C2CD5: variants seen among roughly 807,000 people sequenced by gnomAD.
C2CD5 encodes C2 domain-containing protein 5.
C2CD5 carries 109 observed loss-of-function variants against 130.3 expected under a neutral mutation model. The ratio of observed to expected loss-of-function variants is 0.84; its 90% CI spans 0.72 to 0.98. The LOEUF (loss-of-function observed/expected upper bound fraction) is 0.98. Among genes scored for constraint, C2CD5 ranks in the 50% least tolerant of loss-of-function variants. C2CD5 has a pLI of 0.00. For synonymous variants in C2CD5, 454 were observed against 429.2 expected, an observed-to-expected ratio of 1.06 and a Z score of -0.71; for missense variants, 996 against 1,261.8, an observed-to-expected ratio of 0.79 and a Z score of 3.19.
chr12:22,452,792 T>C (rs1424590013), intron 26 of C2CD5, among the ~76,000 whole-genome samples: 1 of 152,112 alleles, frequency 6.6e-6, no homozygotes, highest in African/African-American at 2.4e-5. Flanking sequence ...ACCAGTCAGG[T>C]GTGGTGGCAT....
intron 17 of C2CD5, 100 bp downstream of exon 17, chr12:22,472,644 T>G: frequency 1.3e-6 from 1 of 797,524 alleles, no homozygotes. Flanking sequence ...GACACTGTGA[T>G]AAGTCCTTCT....
chr12:22,509,814 T>A (rs959614621), intron 9 of C2CD5, among the ~76,000 whole-genome samples: 10 of 152,330 alleles, frequency 6.6e-5, no homozygotes, highest in African/African-American at 2.4e-4. Context: ...AGATTCTTTA[T>A]AAGCAACAAA....
intron 22 of C2CD5, among the ~76,000 whole-genome samples, chr12:22,459,800 T>C (rs1384501501): frequency 6.6e-6 from 1 of 152,228 alleles, no homozygotes; most frequent in African/African-American, 2.4e-5. Context: ...TCAGAAACTT[T>C]ATAGTCACAA....
chr12:22,519,962 C>T (rs1186924290), intron 7 of C2CD5, among the ~76,000 whole-genome samples: 1 of 151,918 alleles, frequency 6.6e-6, no homozygotes, highest in African/African-American at 2.4e-5. Context: ...AAACTATATT[C>T]CAAATCAAAA....
chr12:22,487,145 A>G lies in C2CD5; in HGVS notation c.1359-2257T>C, dbSNP rs985635214. Among the ~76,000 whole-genome samples the G allele has an allele frequency of 4.8e-4, 73 of 152,236 alleles. 2 individuals are homozygous for G. Among genetic ancestry groups the G allele is most frequent in the East Asian group, 1.9e-3 (10 of 5,170 alleles). On this transcript the variant is annotated intron_variant, in intron 12 of 26. Transcript: ENST00000446597. ...AATACCATTCAGGACATAGGCATGG[A>G]CAAGGACTTCATGTCTAAAACACCA...
chr12:22,521,136 A>T (rs894115123), intron 7 of C2CD5, among the ~76,000 whole-genome samples: 1 of 152,186 alleles, frequency 6.6e-6, no homozygotes, highest in Non-Finnish European at 1.5e-5. Flanking sequence ...TACATAATTA[A>T]ATACCAGAAT....
intron 22 of C2CD5, among the ~76,000 whole-genome samples, chr12:22,462,395 T>C (rs1000386578): frequency 6.6e-6 from 1 of 152,178 alleles, no homozygotes; most frequent in Non-Finnish European, 1.5e-5. Context: ...AAGAAGAAGA[T>C]TATTTTGCAT....
intron 24 of C2CD5, among the ~76,000 whole-genome samples, 195 bp from the exon 25 acceptor site, chr12:22,457,356 T>C (rs1053293786): frequency 2.0e-5 from 3 of 152,160 alleles, no homozygotes; most frequent in Non-Finnish European, 4.4e-5. Context: ...AATGCTGGAA[T>C]GGAATTCTTT....
intron 12 of C2CD5, among the ~76,000 whole-genome samples, chr12:22,487,495 C>T (rs571936910): frequency 4.0e-4 from 61 of 152,284 alleles, no homozygotes; most frequent in Admixed American, 9.2e-4. Context: ...ATCAAAACCA[C>T]GATGAGATAC....
chr12:22,467,286 C>T (rs571490083), intron 22 of C2CD5, among the ~76,000 whole-genome samples: 4 of 152,170 alleles, frequency 2.6e-5, no homozygotes, highest in South Asian at 2.1e-4. Context: ...TTCTACCACC[C>T]GGCTTCCTGA....
At chr12:22,536,574 A>G (rs1035511485) in intron 2 of C2CD5, among the ~76,000 whole-genome samples, 1 of 152,196 alleles carries the variant, frequency 6.6e-6, no homozygotes, top group African/African-American at 2.4e-5. Context: ...ACTAGAAGAT[A>G]TTACACAATA....
At chr12:22,498,664 T>C (rs933056004) in intron 10 of C2CD5, among the ~76,000 whole-genome samples, 4 of 152,194 alleles carry the variant, frequency 2.6e-5, no homozygotes, top group Admixed American at 6.5e-5. Context: ...AAGTTTATGA[T>C]TGAGAAAAAC....
At chr12:22,511,807 C>T (rs1189148930) in intron 9 of C2CD5, among the ~76,000 whole-genome samples, 1 of 152,082 alleles carries the variant, frequency 6.6e-6, no homozygotes, top group Non-Finnish European at 1.5e-5. Context: ...TATCGAATTT[C>T]AAGGGAACCC....
At chr12:22,452,637 T>A (rs1316641637) in intron 26 of C2CD5, among the ~76,000 whole-genome samples, 2 of 152,218 alleles carry the variant, frequency 1.3e-5, no homozygotes, top group East Asian at 3.8e-4. Context: ...TTTATCACTA[T>A]GTTTCTTCAA....
In C2CD5 at chr12:22,497,657, T is replaced by C; in HGVS notation, c.1148-4320A>G. ...TGAAAAAGAAATTAGAGAGTTCAGG[T>C]TCAAAGGAGTATATAATCTCAAACT... On this transcript the variant is annotated intron_variant, in intron 10 of 26. Transcript: ENST00000446597. The C allele has an allele frequency of 1.9e-5, 15 of 781,264 alleles. 1 individual carries two copies. The highest frequency in any genetic ancestry group is 2.3e-5 in the Non-Finnish European group (15 of 643,906). 48.4% of individuals were successfully genotyped at this position (781,264 alleles called of 1,614,324 possible). A position where few individuals can be genotyped will look rare whatever the true frequency, so the allele number is the denominator to read the frequency against.
Position 22,530,076 on chromosome 12 carries a change from CTATATATATATA to C in C2CD5, c.178-2196_178-2185del, listed in dbSNP as rs918605281. On this transcript the variant is annotated intron_variant, in intron 3 of 26. Transcript: ENST00000446597. ...TTTGCTTAAGACATGTATTTGAGTG[CTATATATATATA>C]TATATATATATATATATATATATAC... Among the ~76,000 whole-genome samples the C allele has an allele frequency of 3.9e-3, 298 of 77,296 alleles. 2 individuals are homozygous for C. Among genetic ancestry groups the C allele is most frequent in the Non-Finnish European group, 6.6e-3 (265 of 40,236 alleles). 50.7% of individuals were successfully genotyped at this position (77,296 alleles called of 152,430 possible). A position where few individuals can be genotyped will look rare whatever the true frequency, so the allele number is the denominator to read the frequency against.
At chr12:22,509,963 G>C (rs1168783870) in intron 9 of C2CD5, among the ~76,000 whole-genome samples, 2 of 152,110 alleles carry the variant, frequency 1.3e-5, no homozygotes, top group African/African-American at 2.4e-5. Context: ...CCAGCACTTT[G>C]GGAGGCTGAG....
chr12:22,484,909 A>C (rs1377100267), intron 12 of C2CD5, 21 bp from the exon 13 acceptor site: 1 of 1,234,322 alleles, frequency 8.1e-7, no homozygotes, highest in African/African-American at 1.6e-5. Flanking sequence ...AAATAAAAAA[A>C]TAAGATATTC....
chr12:22,542,130 A>G (rs1321925960), intron 2 of C2CD5, among the ~76,000 whole-genome samples: 5 of 152,242 alleles, frequency 3.3e-5, no homozygotes, highest in Non-Finnish European at 7.3e-5. Context: ...CACCTTCTTA[A>G]CTGATCTCCC....
Sources: gnomAD v4.1 joint callset for allele counts (sites outside exome capture counted in the v4.1 genomes callset) on GRCh38, gnomAD v4.1.1 for gene constraint, MANE v1.5 for transcripts, NCBI Gene and HGNC (gene_info 2026-07-23, HGNC 2026-07-21) for gene names.